The following MTMR14 variants were observed in gnomAD, a reference collection of about 807,000 sequenced individuals.
MTMR14 encodes the protein phosphatidylinositol-3,5-bisphosphate 3-phosphatase MTMR14.
MTMR14 carries 48 observed loss-of-function variants against 86.3 expected under a neutral mutation model. That is an observed-to-expected ratio of 0.56 (90% CI 0.44 to 0.71). The LOEUF (loss-of-function observed/expected upper bound fraction) is 0.71. Ranked by LOEUF, MTMR14 falls within the 30% of genes least tolerant of loss-of-function variation. The pLI is 0.00. For missense variants in MTMR14, 780 were observed against 834.6 expected (o/e 0.93, Z 0.81); for synonymous variants, 366 against 326.1 (o/e 1.12, Z -1.32).
At chr3:9,650,174 C>T (rs1318930931) in intron 1 of MTMR14, among the ~76,000 whole-genome samples, 1 of 152,138 alleles carries the variant, frequency 6.6e-6, no homozygotes, top group East Asian at 1.9e-4. Context: ...GAGGTGAACC[C>T]AGTGTGCTGC....
intron 6 of MTMR14, 106 bp downstream of exon 6, chr3:9,671,276 G>T: frequency 6.7e-7 from 1 of 1,495,420 alleles, no homozygotes; most frequent in Non-Finnish European, 9.2e-7. Context: ...CTTACAAAGG[G>T]CTTTCTGTAC....
chr3:9,669,364 G>C, intron 4 of MTMR14, 68 bp from the exon 5 acceptor site: 2 of 1,542,566 alleles, frequency 1.3e-6, no homozygotes, highest in Non-Finnish European at 1.8e-6. Context: ...AAGGAGGCTG[G>C]TGAGGAGGCC....
At position 9,688,700 on chromosome 3, in the gene MTMR14, A is replaced by G. The variant is rs2076041555; in HGVS notation, c.1240A>G (p.Lys414Glu). Reference protein sequence around the residue: ...EFSALKTQRRKSLPARDGGFT... With the variant: ...EFSALKTQRRESLPARDGGFT... ...TGCTCCGGCTTCCATTTCTAGGAGG[A>G]AGAGTTTGCCAGCCCGGGATGGAGG... Residue 414 changes from lysine to glutamate, a missense_variant, in exon 15 of 19, where the codon AAG (lysine) becomes GAG (glutamate). By Grantham distance (56) the Lys-to-Glu change is moderately conservative. Coordinates refer to ENST00000296003, the MANE Select transcript of MTMR14 (RefSeq NM_001077525.3). 1 of 1,614,042 alleles carries G rather than the reference A, an allele frequency of 6.2e-7. No homozygotes were observed. Among genetic ancestry groups the G allele is most frequent in the Non-Finnish European group, 8.5e-7 (1 of 1,180,034 alleles).
rs1278635439 is a variant in MTMR14, at chr3:9,653,729, G to C, written c.268G>C (p.Val90Leu). 6.2e-7 allele frequency: 1 copy of C among 1,614,118 alleles called. No individual in the cohort carries two copies. The highest frequency in any genetic ancestry group is 8.5e-7 in the Non-Finnish European group (1 of 1,180,020). Residue 90 changes from valine to leucine, a missense_variant, in exon 2 of 19, where the codon GTG becomes CTG. Coordinates refer to ENST00000296003, the MANE Select transcript of MTMR14 (RefSeq NM_001077525.3). ...CTGTGGCCACTATCCCCGGCACATC[G>C]TGTTCCTGGAGTATGAGAGTTCTGA... ...DICGHYPRHI[V>L]FLEYESSEKE...
chr3:9,675,522 T>C (rs1416572052), intron 7 of MTMR14: 3 of 456,144 alleles, frequency 6.6e-6, no homozygotes, highest in Non-Finnish European at 1.3e-5. Context: ...TGAGAAGTAT[T>C]CTGGGATCGT....
intron 17 of MTMR14, 21 bp from the exon 18 acceptor site, chr3:9,697,690 T>A (rs780273415): frequency 1.9e-6 from 3 of 1,611,238 alleles, no homozygotes; most frequent in Non-Finnish European, 2.5e-6. Flanking sequence ...TCCTCTCCCC[T>A]CTCTCTCCTC....
At chr3:9,658,057 A>AGAG (rs2047714968) in intron 2 of MTMR14, among the ~76,000 whole-genome samples, 2 of 152,276 alleles carry the variant, frequency 1.3e-5, no homozygotes, top group Middle Eastern at 3.4e-3. Context: ...GATTAACCTT[A>AGAG]GAGGAGCTTG....
chr3:9,666,634 T>C (rs985510018), intron 3 of MTMR14, among the ~76,000 whole-genome samples: 1 of 152,236 alleles, frequency 6.6e-6, no homozygotes, highest in African/African-American at 2.4e-5. Flanking sequence ...CAGTAAGTTC[T>C]CATACCATTT....
chr3:9,673,171 G>C (rs1180178946), intron 7 of MTMR14, among the ~76,000 whole-genome samples: 1 of 152,250 alleles, frequency 6.6e-6, no homozygotes, highest in East Asian at 1.9e-4. Context: ...GCTGTAGCCT[G>C]AGTGGATGTC....
Position 9,669,432 on chromosome 3 carries a change from G to T in MTMR14, c.494G>T (p.Gly165Val). 1 of 1,613,962 alleles carries T rather than the reference G, an allele frequency of 6.2e-7. No individual in the cohort carries two copies. The highest frequency in any genetic ancestry group is 2.2e-5 in the East Asian group (1 of 44,876). Reference protein sequence around the residue: ...GRSGYNYFFSGGADDAWADVE... With the variant: ...GRSGYNYFFSVGADDAWADVE... ...ACTGACAGATAGGTTTCTCTGGCAG[G>T]GGGTGCAGATGATGCCTGGGCAGAT... Residue 165 changes from glycine (G) to valine (V), a missense_variant and splice_region_variant, in exon 5 of 19, where the codon GGG becomes GTG. By Grantham distance (109) the Gly-to-Val change is moderately radical. Coordinates refer to ENST00000296003, the MANE Select transcript of MTMR14 (RefSeq NM_001077525.3).
In MTMR14 at chr3:9,684,240, C is replaced by T. The variant is rs149148714; in HGVS notation, c.965-345C>T. On this transcript the variant is annotated intron_variant, in intron 10 of 18. Transcript: ENST00000296003. ...CCTGCACACTGAAAAATTGCCCACT[C>T]CCGCTACCCCCCAAAAAAATACTTG... 3.5e-3 allele frequency among the ~76,000 whole-genome samples: 536 copies of T among 152,276 alleles called. 3 individuals carry two copies. The highest frequency in any genetic ancestry group is 0.028 in the South Asian group (136 of 4,826).
chr3:9,663,652 T>C (rs1039073993), intron 3 of MTMR14, among the ~76,000 whole-genome samples: 1 of 151,254 alleles, frequency 6.6e-6, no homozygotes, highest in Non-Finnish European at 1.5e-5. Flanking sequence ...TAGCTGGGAC[T>C]ACAGGCACCC....
chr3:9,701,506 A>C lies in MTMR14; in HGVS notation c.1770-284A>C, dbSNP rs943425424. ...CACTGCATTCCAGCCTGGGCAATAGAGTGAGACCTTGTCTCAAGAAAAAAA... is the reference window on the plus strand; with the variant it reads ...CACTGCATTCCAGCCTGGGCAATAGCGTGAGACCTTGTCTCAAGAAAAAAA... On this transcript the variant is annotated intron_variant, in intron 18 of 18. Coordinates refer to ENST00000296003, the MANE Select transcript of MTMR14 (RefSeq NM_001077525.3). This position sits in a 1 kb window ranked among gnomAD's most constrained non-coding sequence, Gnocchi z 4.2. 4.3e-6 allele frequency: 2 copies of C among 468,268 alleles called. No individual in the cohort carries two copies. The highest frequency in any genetic ancestry group is 7.8e-6 in the Non-Finnish European group (2 of 255,936). The allele number at this position is 468,268 out of a possible 1,614,324, so 29.0% of individuals were successfully genotyped here.
chr3:9,697,324 G>C (rs2076310568), intron 17 of MTMR14, among the ~76,000 whole-genome samples: 2 of 152,170 alleles, frequency 1.3e-5, no homozygotes, highest in African/African-American at 4.8e-5. Flanking sequence ...GACCCGGCTG[G>C]CTGCTGGGTC....
intron 1 of MTMR14, 46 bp from the exon 2 acceptor site, chr3:9,653,575 A>G (rs769768756): frequency 1.2e-6 from 2 of 1,613,488 alleles, no homozygotes; most frequent in Non-Finnish European, 1.7e-6. Context: ...TCTCACCCTC[A>G]GAACCCCAGA....
At chr3:9,688,845 G>GTT (rs76029141) in intron 15 of MTMR14, 91 bp downstream of exon 15, 584 of 1,363,882 alleles carry the variant, frequency 4.3e-4, no homozygotes, top group Admixed American at 6.1e-4. Flanking sequence ...GAGGTTTTTT[G>GTT]TTTTTTTTTT....
Position 9,653,662 on chromosome 3 carries a change from A to C in MTMR14, c.201A>C (p.Arg67=). ...IEKRCLELFG[R]DYCFSVIPNT... is the part of the protein sequence containing the mutation. Reference sequence around the variant, plus strand: ...AGAGATGTCTGGAGCTGTTTGGCCGAGACTACTGTTTCAGCGTGATTCCAA... The same window carrying C: ...AGAGATGTCTGGAGCTGTTTGGCCGCGACTACTGTTTCAGCGTGATTCCAA... Residue 67 remains arginine, a synonymous_variant, in exon 2 of 19, where the codon CGA becomes CGC. Coordinates refer to ENST00000296003, the MANE Select transcript of MTMR14 (RefSeq NM_001077525.3). 6.2e-7 allele frequency: 1 copy of C among 1,614,158 alleles called. No homozygotes were observed. The highest frequency in any genetic ancestry group is 8.5e-7 in the Non-Finnish European group (1 of 1,180,052).
At chr3:9,686,682 AC>A (rs1404968701) in intron 13 of MTMR14, among the ~76,000 whole-genome samples, 5 of 152,142 alleles carry the variant, frequency 3.3e-5, no homozygotes, top group Non-Finnish European at 7.3e-5. Context: ...TTTCATACTG[AC>A]CCGACCTGGG....
intron 10 of MTMR14, among the ~76,000 whole-genome samples, 177 bp from the exon 11 acceptor site, chr3:9,684,408 G>A (rs1316672350): frequency 6.6e-6 from 1 of 152,240 alleles, no homozygotes; most frequent in East Asian, 1.9e-4. Context: ...AAAGCCAGAC[G>A]CCTGCCACTC....
Sources: allele counts gnomAD v4.1 joint callset (sites outside exome capture counted in the v4.1 genomes callset), GRCh38; gene constraint gnomAD v4.1.1; non-coding constraint Gnocchi (gnomAD v3.1); transcripts MANE v1.5; gene names NCBI Gene and HGNC (gene_info 2026-07-23, HGNC 2026-07-21).